The following GRID2 variants were observed in gnomAD, a reference collection of about 807,000 sequenced individuals.
The protein encoded by GRID2 is glutamate receptor ionotropic, delta-2.
In GRID2, 33 loss-of-function variants were observed where a neutral mutation model predicts 114.8. The observed-to-expected ratio is 0.29, with a 90% CI of 0.22 to 0.38. The LOEUF is 0.38. Ranked by LOEUF, GRID2 falls within the 10% of genes least tolerant of loss-of-function variation. The probability of loss-of-function intolerance (pLI) is 1.00; values close to 1 mark genes in which losing one functional copy is unlikely to be tolerated. For missense variants in GRID2, 1,184 were observed against 1,257.7 expected (o/e 0.94, Z 0.89); for synonymous variants, 505 against 449.9 (o/e 1.12, Z -1.55).
chr4:92,683,752 G>C (rs911010028), intron 2 of GRID2, among the ~76,000 whole-genome samples: 1 of 151,576 alleles, frequency 6.6e-6, no homozygotes, highest in African/African-American at 2.4e-5. Context: ...AACAAATTTA[G>C]CTATTTTATT....
chr4:92,511,950 A>G (rs1163971365), intron 1 of GRID2, among the ~76,000 whole-genome samples: 2 of 151,772 alleles, frequency 1.3e-5, no homozygotes, highest in Non-Finnish European at 2.9e-5. Context: ...CTCTGTACCC[A>G]TTATATATAA....
chr4:92,715,728 G>GA (rs1364985319), intron 2 of GRID2, among the ~76,000 whole-genome samples: 16 of 152,004 alleles, frequency 1.1e-4, no homozygotes, highest in African/African-American at 7.3e-5. Context: ...GAATAGCATG[G>GA]AAAAAAACTG....
chr4:93,057,992 C>T (rs990182019), intron 2 of GRID2, among the ~76,000 whole-genome samples: 6 of 149,026 alleles, frequency 4.0e-5, no homozygotes, highest in African/African-American at 7.5e-5. Context: ...AAAATTCAGA[C>T]TTTACTGACT....
chr4:93,580,756 T>A (rs1324821961), intron 13 of GRID2, among the ~76,000 whole-genome samples: 2 of 151,698 alleles, frequency 1.3e-5, no homozygotes, highest in East Asian at 1.9e-4. Flanking sequence ...AAAGAGCATT[T>A]TTTTTTTCTT....
At chr4:93,371,320 G>A (rs1762890455) in intron 8 of GRID2, among the ~76,000 whole-genome samples, 1 of 152,062 alleles carries the variant, frequency 6.6e-6, no homozygotes, top group Non-Finnish European at 1.5e-5. Context: ...ATGCCATTAG[G>A]GAACTGCCCA....
intron 8 of GRID2, among the ~76,000 whole-genome samples, chr4:93,292,973 A>G (rs1333676251): frequency 6.6e-6 from 1 of 152,182 alleles, no homozygotes; most frequent in Non-Finnish European, 1.5e-5. Context: ...GCATCTGCAT[A>G]GCCCTTTAGC....
intron 2 of GRID2, among the ~76,000 whole-genome samples, chr4:92,897,753 A>G (rs554947741): frequency 1.3e-5 from 2 of 152,328 alleles, no homozygotes; most frequent in Admixed American, 6.5e-5. Flanking sequence ...AAGGAAATGA[A>G]ATGAAACCTC....
At chr4:93,435,287 A>G (rs570575691) in intron 10 of GRID2, among the ~76,000 whole-genome samples, 1 of 152,312 alleles carries the variant, frequency 6.6e-6, no homozygotes, top group East Asian at 1.9e-4. Flanking sequence ...TAACCATTCA[A>G]TGGGATCTCA....
chr4:92,797,514 TG>T (rs1560598040), intron 2 of GRID2, among the ~76,000 whole-genome samples: 2 of 152,032 alleles, frequency 1.3e-5, no homozygotes, highest in African/African-American at 4.8e-5. Flanking sequence ...TGTATGCACA[TG>T]TTTTGCATAT....
intron 1 of GRID2, among the ~76,000 whole-genome samples, chr4:92,324,009 T>A (rs748378781): frequency 6.6e-6 from 1 of 152,056 alleles, no homozygotes; most frequent in Non-Finnish European, 1.5e-5. Flanking sequence ...GTAGAATTTG[T>A]TAATTGTTTT....
At chr4:93,741,176 T>TATATATATATATAG in intron 14 of GRID2, among the ~76,000 whole-genome samples, 1 of 23,422 alleles carries the variant, frequency 4.3e-5, no homozygotes, top group Non-Finnish European at 8.3e-5. Flanking sequence ...TATATATACA[T>TATATATATATATAG]ATATATATAT....
intron 2 of GRID2, among the ~76,000 whole-genome samples, chr4:93,063,456 T>A (rs1727985659): frequency 6.6e-6 from 1 of 151,884 alleles, no homozygotes; most frequent in Non-Finnish European, 1.5e-5. Context: ...TTCTCCTAAC[T>A]CCTTGTGAAC....
chr4:93,281,058 C>A (rs948519312), intron 8 of GRID2, among the ~76,000 whole-genome samples: 5 of 151,620 alleles, frequency 3.3e-5, no homozygotes, highest in Admixed American at 6.6e-5. Flanking sequence ...AATATATACA[C>A]ACATATATGA....
intron 4 of GRID2, among the ~76,000 whole-genome samples, chr4:93,114,347 C>A (rs1369971146): frequency 2.0e-5 from 3 of 152,142 alleles, no homozygotes; most frequent in African/African-American, 7.2e-5. Context: ...CTCACCTTGT[C>A]CCCCAACCTT....
intron 2 of GRID2, among the ~76,000 whole-genome samples, chr4:92,672,606 G>T (rs544650647): frequency 1.3e-5 from 2 of 151,970 alleles, no homozygotes; most frequent in African/African-American, 4.8e-5. Context: ...TATATTTAAT[G>T]TACTTATTGG....
chr4:92,931,124 G>T (rs185251643), intron 2 of GRID2, among the ~76,000 whole-genome samples: 1 of 150,750 alleles, frequency 6.6e-6, no homozygotes, highest in Non-Finnish European at 1.5e-5. Flanking sequence ...AAATTCCAAA[G>T]TTGTATTCAG....
intron 8 of GRID2, among the ~76,000 whole-genome samples, chr4:93,269,151 T>A (rs1045766457): frequency 6.6e-6 from 1 of 152,178 alleles, no homozygotes; most frequent in African/African-American, 2.4e-5. Context: ...AGAATATCCA[T>A]GTCTGGAATA....
chr4:93,626,223 C>T, intron 13 of GRID2, 46 bp from the exon 14 acceptor site: 1 of 1,070,422 alleles, frequency 9.3e-7, no homozygotes, highest in Non-Finnish European at 1.4e-6. Context: ...AATTAAAATT[C>T]CAACTTTAAA....
rs569793768 is a variant in GRID2 at position 92,882,901 on chromosome 4, G to A, written c.245-202094G>A. Among the ~76,000 whole-genome samples, 14 of 152,276 alleles carry A rather than the reference G, an allele frequency of 9.2e-5. No individual in the cohort carries two copies. In the South Asian group the frequency reaches 1.2e-3, roughly 14 times the overall value. ...AATCTTTTTACTGGTGGAGAGTCTT[G>A]CCTCCATGTTGAAGGCTGCTGAGTG... On this transcript the variant is annotated intron_variant, in intron 2 of 15. Transcript: ENST00000282020.
Sources: gnomAD v4.1 joint callset for allele counts (sites outside exome capture counted in the v4.1 genomes callset) on GRCh38, gnomAD v4.1.1 for gene constraint, MANE v1.5 for transcripts, NCBI Gene and HGNC (gene_info 2026-07-23, HGNC 2026-07-21) for gene names.